Variants in AGBL1 observed in about 807,000 individuals in gnomAD.
AGBL1 encodes cytosolic carboxypeptidase 4.
A neutral mutation model predicts 118.9 loss-of-function variants in AGBL1; 130 were observed. The observed-to-expected ratio is 1.09, with a 90% CI of 0.95 to 1.26. The LOEUF (loss-of-function observed/expected upper bound fraction) is 1.26, where lower values mean the gene tolerates loss of function less well. AGBL1 is among the 50% of genes most tolerant of loss of function. The pLI is 0.00. For synonymous variants in AGBL1, 555 were observed against 478.9 expected (o/e 1.16, Z -2.08); for missense variants, 1,584 against 1,298.1 (o/e 1.22, Z -3.38).
chr15:86,087,566 G>A (rs964081812), intron 1 of AGBL1, among the ~76,000 whole-genome samples: 1 of 152,174 alleles, frequency 6.6e-6, no homozygotes, highest in African/African-American at 2.4e-5. Context: ...CTGACCTCAA[G>A]TGATCTGCCC....
At chr15:86,312,475 A>G (rs1004625697) in intron 17 of AGBL1, 2 of 152,218 alleles carry the variant, frequency 1.3e-5, no homozygotes, top group African/African-American at 2.4e-5. Flanking sequence ...TATGTCCATG[A>G]GCCACCTTGG....
rs199797738 is a variant in AGBL1 at position 86,436,653 on chromosome 15, T to C, written c.2555+39107T>C. The stretch of plus-strand genomic sequence containing the variant: ...TGCCATAACAATTACACTAAGTTAA[T>C]GGGAAGACTTATATTAGTAATAATA... On this transcript the variant is annotated intron_variant, in intron 18 of 22. Coordinates refer to ENST00000614907, the MANE Select transcript of AGBL1 (RefSeq NM_001386094.1). Among the ~76,000 whole-genome samples the C allele has an allele frequency of 2.6e-5, 4 of 152,306 alleles. No individual in the cohort carries two copies. The East Asian group carries it at 7.7e-4, about 29-fold the overall frequency.
At chr15:86,494,482 G>T (rs901037646) in intron 18 of AGBL1, among the ~76,000 whole-genome samples, 1 of 151,972 alleles carries the variant, frequency 6.6e-6, no homozygotes, top group Non-Finnish European at 1.5e-5. Flanking sequence ...TGCTGGTTTT[G>T]TATGATCTGC....
chr15:86,342,230 G>C (rs2080472038), intron 17 of AGBL1, among the ~76,000 whole-genome samples: 1 of 152,112 alleles, frequency 6.6e-6, no homozygotes, highest in Admixed American at 6.5e-5. Flanking sequence ...TGAACATTTG[G>C]GAGATAGCCA....
intron 5 of AGBL1, among the ~76,000 whole-genome samples, chr15:86,212,523 A>G (rs1352954242): frequency 6.6e-6 from 1 of 152,268 alleles, no homozygotes; most frequent in East Asian, 1.9e-4. Flanking sequence ...GTGAAATGCA[A>G]GAACATGTGT....
At chr15:86,805,323 T>C (rs1429200313) in intron 22 of AGBL1, among the ~76,000 whole-genome samples, 29 of 152,036 alleles carry the variant, frequency 1.9e-4, no homozygotes, top group Non-Finnish European at 5.9e-5. Context: ...TGCAAAAGTC[T>C]CCTCTGTGAA....
intron 6 of AGBL1, among the ~76,000 whole-genome samples, chr15:86,236,568 A>G (rs1448655603): frequency 6.6e-6 from 1 of 152,084 alleles, no homozygotes; most frequent in African/African-American, 2.4e-5. Context: ...GCATAGTGTT[A>G]CAGCTCTGAG....
intron 22 of AGBL1, among the ~76,000 whole-genome samples, chr15:86,861,037 G>A (rs2079553011): frequency 6.6e-6 from 1 of 152,098 alleles, no homozygotes; most frequent in Non-Finnish European, 1.5e-5. Flanking sequence ...TTCTTAAGGA[G>A]GTCGCAGGGG....
intron 22 of AGBL1, among the ~76,000 whole-genome samples, chr15:86,735,428 C>T (rs183361320): frequency 6.6e-6 from 1 of 152,190 alleles, no homozygotes; most frequent in Admixed American, 6.5e-5. Context: ...CTTAAAAACA[C>T]ACACACATTA....
intron 1 of AGBL1, among the ~76,000 whole-genome samples, chr15:86,092,738 A>C (rs1896115756): frequency 1.3e-5 from 2 of 152,124 alleles, no homozygotes; most frequent in Non-Finnish European, 2.9e-5. Context: ...TTCATGCTGC[A>C]TCATGATGTG....
intron 1 of AGBL1, among the ~76,000 whole-genome samples, chr15:86,138,641 A>C (rs2076920801): frequency 6.6e-6 from 1 of 151,976 alleles, no homozygotes; most frequent in Non-Finnish European, 1.5e-5. Flanking sequence ...ATTCCCCTTT[A>C]ATCAGTTTTT....
At chr15:86,424,693 T>G (rs895222648) in intron 18 of AGBL1, among the ~76,000 whole-genome samples, 9 of 151,836 alleles carry the variant, frequency 5.9e-5, no homozygotes, top group African/African-American at 2.2e-4. Flanking sequence ...AATTTACAAT[T>G]GAAAAAACCA....
intron 1 of AGBL1, among the ~76,000 whole-genome samples, chr15:86,094,044 TG>T (rs1176072160): frequency 2.0e-5 from 3 of 152,086 alleles, no homozygotes; most frequent in African/African-American, 7.3e-5. Flanking sequence ...TCTTTCAAAA[TG>T]TTATACTCTT....
intron 1 of AGBL1, among the ~76,000 whole-genome samples, chr15:86,100,183 A>G (rs772480802): frequency 3.2e-4 from 49 of 152,154 alleles, no homozygotes; most frequent in Non-Finnish European, 5.0e-4. Flanking sequence ...CCTGGTATAA[A>G]TCCCACTTGA....
chr15:86,277,726 T>C (rs2079280526), intron 15 of AGBL1, among the ~76,000 whole-genome samples: 1 of 152,186 alleles, frequency 6.6e-6, no homozygotes, highest in African/African-American at 2.4e-5. Flanking sequence ...GGGACACCTA[T>C]TATTTTTGAG....
chr15:86,370,700 C>T (rs2080959519), intron 17 of AGBL1, among the ~76,000 whole-genome samples: 1 of 152,228 alleles, frequency 6.6e-6, no homozygotes. Context: ...TATCTGCTCT[C>T]ATGGCACATC....
At position 86,150,573 on chromosome 15, in the gene AGBL1, G is replaced by A. The variant is rs1311185225; in HGVS notation, c.263-3857G>A. Among the ~76,000 whole-genome samples, 3 of 152,112 alleles carry A rather than the reference G, an allele frequency of 2.0e-5. No homozygotes were observed. The East Asian group carries it at 5.8e-4, about 29-fold the overall frequency. ...CATACACCCTCCCAAGACTAAACCA[G>A]GAAGAAGTTGAATCTCTGAATAGAC... is the stretch of plus-strand genomic sequence containing the variant. On this transcript the variant is annotated intron_variant, in intron 3 of 22. Transcript: ENST00000614907.
intron 9 of AGBL1, among the ~76,000 whole-genome samples, chr15:86,258,695 A>G (rs544159341): frequency 3.3e-4 from 50 of 152,262 alleles, no homozygotes; most frequent in Middle Eastern, 3.4e-3. Flanking sequence ...ACAAATGGGC[A>G]TGGCTGTGTT....
chr15:86,151,147 C>G (rs982684204), intron 3 of AGBL1, among the ~76,000 whole-genome samples: 3 of 143,422 alleles, frequency 2.1e-5, no homozygotes, highest in Non-Finnish European at 3.0e-5. Flanking sequence ...ACTCTGGGGA[C>G]AGTTGTGGGG....
Sources: gnomAD v4.1 joint callset for allele counts (sites outside exome capture counted in the v4.1 genomes callset) on GRCh38, gnomAD v4.1.1 for gene constraint, MANE v1.5 for transcripts, NCBI Gene and HGNC (gene_info 2026-07-23, HGNC 2026-07-21) for gene names.